Variants in ERP44 observed in about 807,000 individuals in gnomAD.
The protein encoded by ERP44 is endoplasmic reticulum protein 44, also known as endoplasmic reticulum resident protein 44.
Under a neutral mutation model 53.4 loss-of-function variants are expected in ERP44, and 25 were observed. The observed-to-expected ratio is 0.47, with a 90% CI of 0.34 to 0.65. The LOEUF is 0.65. Ranked by LOEUF, ERP44 falls within the 30% of genes least tolerant of loss-of-function variation. The pLI is 0.01. For missense variants in ERP44, 338 were observed against 493.2 expected (o/e 0.69, Z 2.98); for synonymous variants, 145 against 161.2 (o/e 0.90, Z 0.76).
intron 1 of ERP44, among the ~76,000 whole-genome samples, chr9:100,085,882 A>C (rs2118754493): frequency 6.6e-6 from 1 of 152,354 alleles, no homozygotes; most frequent in East Asian, 1.9e-4. Flanking sequence ...CTGGGCAACA[A>C]GAGCGAAACT....
At chr9:100,071,566 C>A (rs922258644) in intron 1 of ERP44, among the ~76,000 whole-genome samples, 1 of 152,088 alleles carries the variant, frequency 6.6e-6, no homozygotes, top group African/African-American at 2.4e-5. Flanking sequence ...ATTACCAAAT[C>A]CCCTAATGAT....
chr9:100,056,770 T>C (rs1475188909), intron 3 of ERP44, among the ~76,000 whole-genome samples: 1 of 152,112 alleles, frequency 6.6e-6, no homozygotes, highest in South Asian at 2.1e-4. Flanking sequence ...CAGAATTTTA[T>C]AGGAATTGAA....
Position 99,984,884 on chromosome 9 carries a change from A to G in ERP44, c.1119+83T>C, listed in dbSNP as rs1830180329. The G allele has an allele frequency of 3.8e-5, 28 of 728,300 alleles. No homozygotes were observed. The East Asian group carries it at 7.2e-4, about 19-fold the overall frequency. 45.1% of individuals were successfully genotyped at this position (728,300 alleles called of 1,614,324 possible). A position where few individuals can be genotyped will look rare whatever the true frequency, so the allele number is the denominator to read the frequency against. On this transcript the variant is annotated intron_variant, in intron 11 of 11. Coordinates refer to ENST00000262455, the MANE Select transcript of ERP44 (RefSeq NM_015051.3). ...TATTCAGAAGCTGAAGCTCAAGCTG[A>G]TGCAAGAACTTCAGACCCTCTTTGA... is the stretch of plus-strand genomic sequence containing the variant.
intron 10 of ERP44, among the ~76,000 whole-genome samples, chr9:99,999,458 T>C (rs1194872260): frequency 1.3e-5 from 2 of 152,228 alleles, no homozygotes; most frequent in Admixed American, 6.5e-5. Flanking sequence ...CACTTTTTCA[T>C]ATACCTATTG....
intron 4 of ERP44, among the ~76,000 whole-genome samples, chr9:100,051,327 A>G (rs1257756976): frequency 6.6e-6 from 1 of 152,252 alleles, no homozygotes; most frequent in Non-Finnish European, 1.5e-5. Context: ...GCTATGTAAC[A>G]TTGATTAAGC....
intron 1 of ERP44, among the ~76,000 whole-genome samples, chr9:100,092,396 C>A (rs1826569156): frequency 6.6e-6 from 1 of 152,158 alleles, no homozygotes; most frequent in Non-Finnish European, 1.5e-5. Context: ...CTTTTGTAGT[C>A]TATCTTGAAA....
At chr9:100,047,371 A>T (rs1177196081) in intron 4 of ERP44, among the ~76,000 whole-genome samples, 1 of 152,192 alleles carries the variant, frequency 6.6e-6, no homozygotes, top group Non-Finnish European at 1.5e-5. Flanking sequence ...CATAAAACAG[A>T]CATACAGACC....
In ERP44 at chr9:100,067,330, G is replaced by C. The variant is rs1826224055; in HGVS notation, c.58-7158C>G. On this transcript the variant is annotated intron_variant, in intron 1 of 11. Coordinates refer to ENST00000262455, the MANE Select transcript of ERP44 (RefSeq NM_015051.3). The stretch of plus-strand genomic sequence containing the variant: ...CTCAGCCTGCCCAGTGCCTGCGACT[G>C]CAGGCGCGCGCCGCCGCGCCTGACT... Among the ~76,000 whole-genome samples the C allele has an allele frequency of 1.3e-5, 2 of 152,138 alleles. 1 individual carries two copies. Among genetic ancestry groups the C allele is most frequent in the South Asian group, 4.1e-4 (2 of 4,834 alleles).
intron 1 of ERP44, among the ~76,000 whole-genome samples, chr9:100,068,623 G>A (rs1425247272): frequency 6.9e-6 from 1 of 144,732 alleles, no homozygotes; most frequent in African/African-American, 2.6e-5. Flanking sequence ...AGGTGGGGGG[G>A]TCAGCCCCCC....
At chr9:100,004,931 C>T (rs180820707) in intron 10 of ERP44, among the ~76,000 whole-genome samples, 41 of 152,060 alleles carry the variant, frequency 2.7e-4, no homozygotes, top group African/African-American at 9.4e-4. Context: ...TTATTTTGAC[C>T]CCCTCTAATC....
chr9:99,992,882 C>A (rs552224377), intron 10 of ERP44, among the ~76,000 whole-genome samples: 75 of 151,516 alleles, frequency 4.9e-4, no homozygotes, highest in African/African-American at 1.7e-3. Flanking sequence ...AACAGACAGC[C>A]AGCCAAATCA....
intron 10 of ERP44, among the ~76,000 whole-genome samples, chr9:99,989,963 TAGAGAAA>T (rs1830236075): frequency 6.6e-6 from 1 of 151,830 alleles, no homozygotes; most frequent in Non-Finnish European, 1.5e-5. Context: ...GTGTGAAGGT[TAGAGAAA>T]AAAGAGTAAA....
intron 10 of ERP44, among the ~76,000 whole-genome samples, chr9:100,000,435 C>CAAAAA (rs34304276): frequency 8.9e-5 from 11 of 123,978 alleles, no homozygotes; most frequent in African/African-American, 3.2e-4. Flanking sequence ...GATCCTGTAT[C>CAAAAA]AAAAAAAAAA....
chr9:100,035,160 C>T (rs975790180), intron 4 of ERP44, among the ~76,000 whole-genome samples: 2 of 152,018 alleles, frequency 1.3e-5, no homozygotes, highest in Non-Finnish European at 2.9e-5. Context: ...CATCATTGGC[C>T]TTGGCAAAAA....
intron 1 of ERP44, among the ~76,000 whole-genome samples, chr9:100,061,678 T>G (rs1826152172): frequency 6.6e-6 from 1 of 150,532 alleles, no homozygotes; most frequent in Non-Finnish European, 1.5e-5. Context: ...CACTGTCTTA[T>G]TTTTAAATTA....
chr9:100,024,228 G>C (rs1293868279), intron 4 of ERP44, among the ~76,000 whole-genome samples: 1 of 151,672 alleles, frequency 6.6e-6, no homozygotes, highest in Non-Finnish European at 1.5e-5. Context: ...ATCAATAGGA[G>C]ACTGGCTGAA....
chr9:100,073,626 A>C (rs1462272342), intron 1 of ERP44, among the ~76,000 whole-genome samples: 2 of 152,244 alleles, frequency 1.3e-5, no homozygotes, highest in African/African-American at 4.8e-5. Context: ...TAAACATTAA[A>C]ATCATTACTG....
At chr9:100,083,205 A>G (rs1488874914) in intron 1 of ERP44, among the ~76,000 whole-genome samples, 1 of 152,100 alleles carries the variant, frequency 6.6e-6, no homozygotes, top group Non-Finnish European at 1.5e-5. Context: ...TGAACATATA[A>G]TGCTATTCAC....
intron 10 of ERP44, among the ~76,000 whole-genome samples, chr9:99,994,214 G>A (rs762131255): frequency 6.6e-6 from 1 of 152,072 alleles, no homozygotes; most frequent in African/African-American, 2.4e-5. Flanking sequence ...TATGTTAATC[G>A]CGGCACTATT....
Sources: gnomAD v4.1 joint callset for allele counts (sites outside exome capture counted in the v4.1 genomes callset) on GRCh38, gnomAD v4.1.1 for gene constraint, MANE v1.5 for transcripts, NCBI Gene and HGNC (gene_info 2026-07-23, HGNC 2026-07-21) for gene names.